Variants in RAB8B observed in about 807,000 individuals in gnomAD.
The protein encoded by RAB8B is RAB8B, member RAS oncogene family, also known as ras-related protein Rab-8B.
Under a neutral mutation model 32.0 loss-of-function variants are expected in RAB8B, and 11 were observed. The ratio of observed to expected loss-of-function variants is 0.34; its 90% confidence interval spans 0.22 to 0.57. The LOEUF is 0.57. Ranked by LOEUF, RAB8B falls within the 20% of genes least tolerant of loss-of-function variation. The probability of loss-of-function intolerance (pLI) is 0.86; values close to 1 mark genes in which losing one functional copy is unlikely to be tolerated. For missense variants in RAB8B, 190 were observed against 258.5 expected, an observed-to-expected ratio of 0.73 and a Z score of 1.82; for synonymous variants, 103 against 89.6, an observed-to-expected ratio of 1.15 and a Z score of -0.85.
intron 1 of RAB8B, among the ~76,000 whole-genome samples, chr15:63,216,472 A>G (rs917178404): frequency 1.1e-4 from 17 of 151,538 alleles, no homozygotes; most frequent in Non-Finnish European, 2.4e-4. Context: ...CGAGCAGTCC[A>G]CCTGCCTTGG....
chr15:63,201,132 A>T (rs902823671), intron 1 of RAB8B, among the ~76,000 whole-genome samples: 4 of 152,178 alleles, frequency 2.6e-5, no homozygotes. Context: ...ACATTAGGTC[A>T]TTATCACTTT....
At position 63,265,306 on chromosome 15, in the gene RAB8B, C is replaced by T. The variant is rs1305058738; in HGVS notation, c.*1687C>T. 6.6e-6 allele frequency: 1 copy of T among 151,828 alleles called. No individual in the cohort carries two copies. Among genetic ancestry groups the T allele is most frequent in the Admixed American group, 6.6e-5 (1 of 15,236 alleles). 9.4% of individuals were successfully genotyped at this position (151,828 alleles called of 1,614,324 possible). A position where few individuals can be genotyped will look rare whatever the true frequency, so the allele number is the denominator to read the frequency against. On this transcript the variant is annotated 3_prime_UTR_variant, in exon 8 of 8. Transcript: ENST00000321437. The surrounding 1 kb of genome is among the most constrained non-coding windows in gnomAD (Gnocchi z 4.9). ...TGAAAATATAGGAACAATTTAGCAG[C>T]TGCAAATATGCCCAAGCTATTTTTA...
intron 1 of RAB8B, among the ~76,000 whole-genome samples, chr15:63,232,787 A>G (rs2037945940): frequency 1.3e-5 from 2 of 152,186 alleles, no homozygotes; most frequent in African/African-American, 2.4e-5. Flanking sequence ...CAAAGCTAAA[A>G]TAAACGTATT....
chr15:63,216,675 T>C (rs1208424114), intron 1 of RAB8B, among the ~76,000 whole-genome samples: 1 of 151,572 alleles, frequency 6.6e-6, no homozygotes, highest in Non-Finnish European at 1.5e-5. Context: ...GCCTGGCCAA[T>C]ATGATGAAAC....
chr15:63,216,860 A>G (rs75151115), intron 1 of RAB8B, among the ~76,000 whole-genome samples: 1 of 132,884 alleles, frequency 7.5e-6, no homozygotes, highest in Non-Finnish European at 1.6e-5. Context: ...ACTCTGTCTC[A>G]AAAAAAAAAA....
In RAB8B at chr15:63,264,714, GT is replaced by G. The variant is rs1161611436; in HGVS notation, c.*1099del. The G allele has an allele frequency of 6.6e-6, 1 of 152,190 alleles. No homozygotes were observed. Among genetic ancestry groups the G allele is most frequent in the African/African-American group, 2.4e-5 (1 of 41,436 alleles). 9.4% of individuals were successfully genotyped at this position (152,190 alleles called of 1,614,324 possible). A position where few individuals can be genotyped will look rare whatever the true frequency, so the allele number is the denominator to read the frequency against. On this transcript the variant is annotated 3_prime_UTR_variant, in exon 8 of 8. Transcript: ENST00000321437. ...CTCTTGGTAATGGTGAAAATAATGA[GT>G]TTTGGTTGGTTTTATTTGGCAGATG...
intron 1 of RAB8B, among the ~76,000 whole-genome samples, chr15:63,211,573 A>G (rs1368473141): frequency 2.0e-5 from 3 of 152,196 alleles, no homozygotes; most frequent in Admixed American, 2.0e-4. Flanking sequence ...TTTAGTATTT[A>G]CTTTCTTTAA....
chr15:63,246,111 A>T (rs1009641987), intron 2 of RAB8B, among the ~76,000 whole-genome samples: 5 of 152,090 alleles, frequency 3.3e-5, no homozygotes, highest in Non-Finnish European at 5.9e-5. Flanking sequence ...GACCTCAGGT[A>T]ATCCGCCCGC....
chr15:63,239,513 A>G (rs1019560910), intron 1 of RAB8B, among the ~76,000 whole-genome samples: 2 of 151,010 alleles, frequency 1.3e-5, no homozygotes, highest in Admixed American at 1.3e-4. Flanking sequence ...CCTGGGTTCA[A>G]GTGATTCATT....
chr15:63,261,499 A>G (rs968286132), intron 6 of RAB8B, among the ~76,000 whole-genome samples: 2 of 152,212 alleles, frequency 1.3e-5, no homozygotes, highest in African/African-American at 2.4e-5. Context: ...TGTATACACA[A>G]TGGAATACTA....
intron 2 of RAB8B, 48 bp downstream of exon 2, chr15:63,244,864 G>A (rs931086737): frequency 2.8e-6 from 4 of 1,443,194 alleles, no homozygotes; most frequent in South Asian, 2.4e-5. Context: ...GGAATTGAAA[G>A]TAGGAATTAA....
intron 1 of RAB8B, among the ~76,000 whole-genome samples, chr15:63,190,542 T>TG (rs1469581228): frequency 2.0e-5 from 3 of 152,166 alleles, no homozygotes. Context: ...GCGCAAGACT[T>TG]GCTATAGTAA....
chr15:63,200,526 G>T, intron 1 of RAB8B, among the ~76,000 whole-genome samples: 1 of 152,134 alleles, frequency 6.6e-6, no homozygotes, highest in South Asian at 2.1e-4. Flanking sequence ...AGTGGCTCAC[G>T]CATGCAATCC....
In RAB8B at chr15:63,194,446, A is replaced by C. The variant is rs1441016116; in HGVS notation, c.124+4698A>C. On this transcript the variant is annotated intron_variant, in intron 1 of 7. Coordinates refer to ENST00000321437, the MANE Select transcript of RAB8B (RefSeq NM_016530.3). The stretch of plus-strand genomic sequence containing the variant: ...CTGTTTTGATTAGCCGAGTCTGTTC[A>C]GGTGAATAGCAAATGTTACTACAAT... 2.0e-5 allele frequency among the ~76,000 whole-genome samples: 3 copies of C among 152,214 alleles called. No individual in the cohort carries two copies. The East Asian group carries it at 5.8e-4, about 29-fold the overall frequency.
rs532946679 is a variant in RAB8B, at chr15:63,209,902, C to T, written c.124+20154C>T. Among the ~76,000 whole-genome samples the T allele has an allele frequency of 4.6e-5, 7 of 151,950 alleles. No individual in the cohort carries two copies. The South Asian group carries it at 1.3e-3, about 27-fold the overall frequency. ...TCTCCTAATGCTCTGCCTCCCCTTG[C>T]CCCCCACTCCCCAACAGGCCCCGGT... On this transcript the variant is annotated intron_variant, in intron 1 of 7. Coordinates refer to ENST00000321437, the MANE Select transcript of RAB8B (RefSeq NM_016530.3).
At chr15:63,204,231 T>G (rs2141111632) in intron 1 of RAB8B, among the ~76,000 whole-genome samples, 1 of 152,328 alleles carries the variant, frequency 6.6e-6, no homozygotes, top group Non-Finnish European at 1.5e-5. Context: ...TAGGACTACG[T>G]GCATTTTACA....
chr15:63,254,953 G>A (rs1422396671), intron 3 of RAB8B, among the ~76,000 whole-genome samples: 1 of 152,112 alleles, frequency 6.6e-6, no homozygotes, highest in Non-Finnish European at 1.5e-5. Context: ...AAAATATGAT[G>A]AGAATGCCTT....
At position 63,259,977 on chromosome 15, in the gene RAB8B, G is replaced by A. The variant is rs2038190038; in HGVS notation, c.480+285G>A. Among the ~76,000 whole-genome samples, 1 of 152,038 alleles carries A rather than the reference G, an allele frequency of 6.6e-6. No individual in the cohort carries two copies. The highest frequency in any genetic ancestry group is 6.6e-5 in the Admixed American group (1 of 15,260). ...AGCCTCCCGAGTAGCTGGTACTATA[G>A]GTGTGCATCACCACGCCCAGCTAAT... is the stretch of plus-strand genomic sequence containing the variant. On this transcript the variant is annotated intron_variant, in intron 6 of 7. Coordinates refer to ENST00000321437, the MANE Select transcript of RAB8B (RefSeq NM_016530.3). The surrounding 1 kb of genome is among the most constrained non-coding windows in gnomAD (Gnocchi z 4.4).
chr15:63,254,253 T>C (rs187024826), intron 3 of RAB8B, among the ~76,000 whole-genome samples: 1 of 152,200 alleles, frequency 6.6e-6, no homozygotes, highest in Non-Finnish European at 1.5e-5. Context: ...TTAATGTCAT[T>C]TCCTCAGGGA....
Sources: allele counts gnomAD v4.1 joint callset (sites outside exome capture counted in the v4.1 genomes callset), GRCh38; gene constraint gnomAD v4.1.1; non-coding constraint Gnocchi (gnomAD v3.1); transcripts MANE v1.5; gene names NCBI Gene and HGNC (gene_info 2026-07-23, HGNC 2026-07-21).